Variants in NBDY observed in about 807,000 individuals in gnomAD.
NBDY encodes the protein negative regulator of P-body association, also known as P-body dissociating protein.
intron 2 of NBDY, among the ~76,000 whole-genome samples, chrX:56,788,133 G>C (rs1219612171): frequency 3.6e-5 from 4 of 112,479 alleles, no homozygotes; most frequent in Non-Finnish European, 7.5e-5. Flanking sequence ...ATTCCCGCAG[G>C]GTCTCCAGGC....
chrX:56,759,098 T>C (rs1230540641), intron 2 of NBDY, among the ~76,000 whole-genome samples: 1 of 112,282 alleles, frequency 8.9e-6, no homozygotes, highest in East Asian at 2.8e-4. Context: ...CCTCAGGCCC[T>C]GTGGCTGCCT....
chrX:56,799,966 T>G, intron 2 of NBDY, among the ~76,000 whole-genome samples: 2 of 109,045 alleles, frequency 1.8e-5, no homozygotes, highest in Middle Eastern at 9.3e-3. Context: ...TTGCTGTGGA[T>G]TTGTAGCACC....
At chrX:56,749,661 T>C (rs1235131264) in intron 2 of NBDY, among the ~76,000 whole-genome samples, 1 of 108,608 alleles carries the variant, frequency 9.2e-6, no homozygotes, top group Non-Finnish European at 1.9e-5. Context: ...ATCCTTTTTT[T>C]TTTTTTTTGA....
intron 2 of NBDY, among the ~76,000 whole-genome samples, chrX:56,809,233 T>C (rs2069872287): frequency 8.9e-6 from 1 of 111,981 alleles, no homozygotes; most frequent in South Asian, 3.7e-4. Flanking sequence ...TATATTTTGT[T>C]GATTTGGGGT....
intron 2 of NBDY, among the ~76,000 whole-genome samples, chrX:56,754,647 T>C (rs2069600630): frequency 9.0e-6 from 1 of 111,544 alleles, no homozygotes; most frequent in African/African-American, 3.3e-5. Context: ...AATTGTGAAA[T>C]AAATGAAAAT....
chrX:56,757,871 C>T (rs866067875), intron 2 of NBDY, among the ~76,000 whole-genome samples: 1 of 111,027 alleles, frequency 9.0e-6, no homozygotes, highest in Non-Finnish European at 1.9e-5. Context: ...CTTGTATTTC[C>T]GGGAAACAGG....
chrX:56,756,393 G>T (rs1215930341), intron 2 of NBDY, among the ~76,000 whole-genome samples: 1 of 106,248 alleles, frequency 9.4e-6, no homozygotes, highest in Non-Finnish European at 1.9e-5. Context: ...TTTGGAAAAG[G>T]ATACACCCTA....
chrX:56,817,051 A>G (rs749866322), intron 2 of NBDY, among the ~76,000 whole-genome samples: 2 of 111,712 alleles, frequency 1.8e-5, no homozygotes, highest in Non-Finnish European at 3.8e-5. Context: ...GGGGAGAAAT[A>G]TGCCTAAGAT....
rs1386753664 is a variant in NBDY, at chrX:56,817,648, A to G, written c.*495A>G. On this transcript the variant is annotated 3_prime_UTR_variant, in exon 3 of 3. Transcript: ENST00000374922. ...AAATATTTTATAAGAACTCCTATGT[A>G]AAGCATTACTAAAATTAGTGTTGAA... is the stretch of plus-strand genomic sequence containing the variant. The G allele has an allele frequency of 8.9e-6, 1 of 112,455 alleles. No homozygotes were observed. Among genetic ancestry groups the G allele is most frequent in the East Asian group, 2.8e-4 (1 of 3,615 alleles). The allele number at this position is 112,455 out of a possible 1,213,427, so 9.3% of individuals were successfully genotyped here.
At chrX:56,736,249 A>G (rs1470562855) in intron 2 of NBDY, among the ~76,000 whole-genome samples, 2 of 111,997 alleles carry the variant, frequency 1.8e-5, no homozygotes, top group African/African-American at 6.5e-5. Flanking sequence ...GGTGGAAATG[A>G]TGACAACATT....
intron 2 of NBDY, among the ~76,000 whole-genome samples, chrX:56,785,118 G>A (rs986316529): frequency 5.4e-5 from 6 of 110,951 alleles, no homozygotes; most frequent in African/African-American, 1.6e-4. Context: ...ATCAATCTCG[G>A]GTGTGGGCCT....
intron 2 of NBDY, among the ~76,000 whole-genome samples, chrX:56,811,902 T>A (rs1056645433): frequency 3.6e-5 from 4 of 111,457 alleles, no homozygotes; most frequent in African/African-American, 1.3e-4. Context: ...GGCACTGGAG[T>A]GAATCTCCTG....
At chrX:56,743,846 C>T (rs1219680859) in intron 2 of NBDY, among the ~76,000 whole-genome samples, 1 of 109,619 alleles carries the variant, frequency 9.1e-6, no homozygotes, top group African/African-American at 3.3e-5. Context: ...TTTTCTCTTG[C>T]TTTTCTAGTT....
chrX:56,757,580 C>A (rs575849892), intron 2 of NBDY, among the ~76,000 whole-genome samples: 1 of 111,620 alleles, frequency 9.0e-6, no homozygotes, highest in African/African-American at 3.3e-5. Flanking sequence ...GGGCTCCCCC[C>A]ACTTGACCAC....
intron 2 of NBDY, among the ~76,000 whole-genome samples, chrX:56,765,459 CT>C (rs2069660700): frequency 8.9e-6 from 1 of 112,091 alleles, no homozygotes; most frequent in Non-Finnish European, 1.9e-5. Context: ...TGGATCAAAG[CT>C]TTTGATCTTA....
chrX:56,790,989 G>A (rs1486114056), intron 2 of NBDY, among the ~76,000 whole-genome samples: 1 of 112,505 alleles, frequency 8.9e-6, no homozygotes, highest in Non-Finnish European at 1.9e-5. Flanking sequence ...CCAGTCTTAA[G>A]GGGCTGACGC....
chrX:56,783,568 C>G (rs1321653952), intron 2 of NBDY, among the ~76,000 whole-genome samples: 1 of 112,280 alleles, frequency 8.9e-6, no homozygotes, highest in Non-Finnish European at 1.9e-5. Flanking sequence ...CTTCTCCAAG[C>G]GGTTCCAATG....
chrX:56,780,874 AAAG>A (rs1388758180), intron 2 of NBDY, among the ~76,000 whole-genome samples: 5 of 100,018 alleles, frequency 5.0e-5, no homozygotes, highest in Non-Finnish European at 2.0e-5. Flanking sequence ...CGCGAGAAGA[AAAG>A]AATGCAGGAA....
At chrX:56,783,566 A>G (rs769049586) in intron 2 of NBDY, among the ~76,000 whole-genome samples, 100 of 112,159 alleles carry the variant, frequency 8.9e-4, no homozygotes, top group African/African-American at 3.1e-3. Flanking sequence ...TGCTTCTCCA[A>G]GCGGTTCCAA....
Sources: gnomAD v4.1 joint callset for allele counts (sites outside exome capture counted in the v4.1 genomes callset) on GRCh38, gnomAD v4.1.1 for gene constraint, MANE v1.5 for transcripts, NCBI Gene and HGNC (gene_info 2026-07-23, HGNC 2026-07-21) for gene names.